IFT80: variants seen among roughly 807,000 people sequenced by gnomAD.
IFT80 encodes the protein intraflagellar transport protein 80 homolog.
IFT80 carries 79 observed loss-of-function variants against 107.9 expected under a neutral mutation model. The ratio of observed to expected loss-of-function variants is 0.73; its 90% CI spans 0.61 to 0.88. The LOEUF (loss-of-function observed/expected upper bound fraction) is 0.88, where lower values mean the gene tolerates loss of function less well. Ranked by LOEUF, IFT80 falls within the 40% of genes least tolerant of loss-of-function variation. The probability of loss-of-function intolerance (pLI) is 0.00; values close to 1 mark genes in which losing one functional copy is unlikely to be tolerated. For missense variants in IFT80, 797 were observed against 914.2 expected (o/e 0.87, Z 1.65); for synonymous variants, 299 against 300.9 (o/e 0.99, Z 0.07).
chr3:160,372,282 C>A (rs1711586710), intron 5 of IFT80, among the ~76,000 whole-genome samples: 1 of 152,136 alleles, frequency 6.6e-6, no homozygotes, highest in South Asian at 2.1e-4. Context: ...TAGTTTCTCC[C>A]TTCAAAGGAG....
intron 18 of IFT80, among the ~76,000 whole-genome samples, chr3:160,271,424 A>T (rs188574532): frequency 6.6e-6 from 1 of 152,314 alleles, no homozygotes; most frequent in Admixed American, 6.5e-5. Flanking sequence ...TATAACTGAG[A>T]TCAGAAATTA....
intron 8 of IFT80, among the ~76,000 whole-genome samples, chr3:160,321,471 C>T (rs1718211298): frequency 6.6e-6 from 1 of 151,914 alleles, no homozygotes; most frequent in South Asian, 2.1e-4. Context: ...TAAAACCATA[C>T]ATTCATATAA....
intron 1 of IFT80, among the ~76,000 whole-genome samples, chr3:160,385,334 A>T (rs1204292705): frequency 6.6e-6 from 1 of 152,274 alleles, no homozygotes; most frequent in East Asian, 1.9e-4. Context: ...TATAAAAAAA[A>T]GAGAAATCAA....
At position 160,384,584 on chromosome 3, in the gene IFT80, G is replaced by A. The variant is rs766179430; in HGVS notation, c.17C>T (p.Ser6Phe). ...GATATGCTTTGGTTCTTTTAAAAGA[G>A]ATATCTTTAGTCTCATGACTCCACT... Reference protein sequence around the residue: MRLKISLLKEPKHQEL... With the variant: MRLKIFLLKEPKHQEL... The change falls in exon 2 of 20, where the codon TCT becomes TTT. Residue 6 changes from serine to phenylalanine, a missense_variant. Coordinates refer to ENST00000326448, the MANE Select transcript of IFT80 (RefSeq NM_020800.3). The A allele has an allele frequency of 6.6e-7, 1 of 1,520,898 alleles. No individual in the cohort carries two copies. Among genetic ancestry groups the A allele is most frequent in the South Asian group, 1.1e-5 (1 of 88,868 alleles). The allele number at this position is 1,520,898 out of a possible 1,614,324, so 94.2% of individuals were successfully genotyped here. A position where few individuals can be genotyped will look rare whatever the true frequency, so the allele number is the denominator to read the frequency against.
intron 9 of IFT80, among the ~76,000 whole-genome samples, chr3:160,312,793 TATA>T (rs1325605693): frequency 9.9e-4 from 45 of 45,648 alleles, no homozygotes; most frequent in African/African-American, 3.7e-3. Flanking sequence ...ATAATATATA[TATA>T]ATAAATGTAT....
At chr3:160,306,705 C>T (rs1287300760) in intron 10 of IFT80, among the ~76,000 whole-genome samples, 1 of 152,132 alleles carries the variant, frequency 6.6e-6, no homozygotes, top group African/African-American at 2.4e-5. Flanking sequence ...TGATTAGTAG[C>T]AGGTTTACAC....
intron 12 of IFT80, among the ~76,000 whole-genome samples, chr3:160,295,642 C>T (rs1715918254): frequency 6.6e-6 from 1 of 152,030 alleles, no homozygotes; most frequent in Non-Finnish European, 1.5e-5. Context: ...AATCCCACAT[C>T]TGAGTGTTTA....
At chr3:160,360,867 A>G (rs1012544556) in intron 6 of IFT80, among the ~76,000 whole-genome samples, 2 of 152,156 alleles carry the variant, frequency 1.3e-5, no homozygotes, top group Admixed American at 6.5e-5. Context: ...AGCACTAAAC[A>G]TGGAAAGGAA....
intron 1 of IFT80, among the ~76,000 whole-genome samples, chr3:160,392,376 T>C (rs1713450437): frequency 6.6e-6 from 1 of 152,232 alleles, no homozygotes; most frequent in African/African-American, 2.4e-5. Flanking sequence ...TTCATACCTC[T>C]CCACTGAACC....
intron 13 of IFT80, among the ~76,000 whole-genome samples, chr3:160,285,209 A>C (rs1000237844): frequency 6.6e-6 from 1 of 152,114 alleles, no homozygotes; most frequent in African/African-American, 2.4e-5. Flanking sequence ...TAATAATTAC[A>C]AAAATAAATA....
In IFT80 at chr3:160,356,030, A is replaced by C; in HGVS notation, c.760T>G (p.Leu254Val). The C allele has an allele frequency of 1.2e-6, 2 of 1,614,106 alleles. No individual in the cohort carries two copies. Among genetic ancestry groups the C allele is most frequent in the Non-Finnish European group, 1.7e-6 (2 of 1,179,972 alleles). The change falls in exon 8 of 20, where the codon TTG becomes GTG. Residue 254 changes from leucine to valine, a missense_variant. Coordinates refer to ENST00000326448, the MANE Select transcript of IFT80 (RefSeq NM_020800.3). ...FAVGSFHTLR[L>V]CDKTGWSYAL... ...TAACTTACCCCAGTTTTATCACACA[A>C]GCGTAAAGTATGAAACGATCCAACA...
At chr3:160,262,398 C>A (rs890625445) in intron 19 of IFT80, among the ~76,000 whole-genome samples, 1 of 152,130 alleles carries the variant, frequency 6.6e-6, no homozygotes, top group Non-Finnish European at 1.5e-5. Context: ...GCTCTGTCAC[C>A]CAGGCTGGTG....
At chr3:160,274,138 A>G (rs1344215909) in intron 18 of IFT80, among the ~76,000 whole-genome samples, 1 of 152,170 alleles carries the variant, frequency 6.6e-6, no homozygotes, top group Non-Finnish European at 1.5e-5. Flanking sequence ...GAGACACATG[A>G]TATAAGCCTT....
intron 12 of IFT80, among the ~76,000 whole-genome samples, chr3:160,290,611 G>C (rs1321873676): frequency 6.6e-6 from 1 of 152,014 alleles, no homozygotes; most frequent in African/African-American, 2.4e-5. Flanking sequence ...TGGAGTTTTT[G>C]CTCTTGTTGA....
At chr3:160,287,858 G>T (rs1421811814) in intron 12 of IFT80, among the ~76,000 whole-genome samples, 1 of 152,158 alleles carries the variant, frequency 6.6e-6, no homozygotes, top group East Asian at 1.9e-4. Context: ...GAATGAATGT[G>T]TTGGGAAAGA....
At chr3:160,297,443 A>G (rs1026887260) in intron 12 of IFT80, among the ~76,000 whole-genome samples, 17 of 152,264 alleles carry the variant, frequency 1.1e-4, no homozygotes, top group African/African-American at 3.4e-4. Context: ...ATTGGACAAC[A>G]TATATAGATT....
At chr3:160,387,442 T>C (rs1237849949) in intron 1 of IFT80, among the ~76,000 whole-genome samples, 1 of 152,112 alleles carries the variant, frequency 6.6e-6, no homozygotes, top group Admixed American at 6.5e-5. Flanking sequence ...AAGTGGAGGT[T>C]GCAGTGAGCC....
chr3:160,374,252 C>G (rs1275931487), intron 5 of IFT80, among the ~76,000 whole-genome samples: 1 of 147,660 alleles, frequency 6.8e-6, no homozygotes, highest in Non-Finnish European at 1.5e-5. Flanking sequence ...TCAAGACCAG[C>G]CTGGGAACAT....
intron 9 of IFT80, 102 bp from the exon 10 acceptor site, chr3:160,307,883 C>T: frequency 1.4e-6 from 1 of 695,258 alleles, no homozygotes; most frequent in South Asian, 1.6e-5. Flanking sequence ...AAATGCACTA[C>T]TGATTACCTA....
Sources: allele counts gnomAD v4.1 joint callset (sites outside exome capture counted in the v4.1 genomes callset), GRCh38; gene constraint gnomAD v4.1.1; transcripts MANE v1.5; gene names NCBI Gene and HGNC (gene_info 2026-07-23, HGNC 2026-07-21).